PTPRD: variants seen among roughly 807,000 people sequenced by gnomAD.
PTPRD encodes the protein protein tyrosine phosphatase receptor type D.
In PTPRD, 34 loss-of-function variants were observed where a neutral mutation model predicts 214.5. That is an observed-to-expected ratio of 0.16 (90% CI 0.12 to 0.21). The LOEUF is 0.21. Among genes scored for constraint, PTPRD ranks in the 10% least tolerant of loss-of-function variants. The probability of loss-of-function intolerance (pLI) is 1.00; values close to 1 mark genes in which losing one functional copy is unlikely to be tolerated. For synonymous variants in PTPRD, 1,128 were observed against 845.7 expected, an observed-to-expected ratio of 1.33 and a Z score of -5.79; for missense variants, 2,545 against 2,398.7, an observed-to-expected ratio of 1.06 and a Z score of -1.27.
intron 2 of PTPRD, among the ~76,000 whole-genome samples, chr9:10,592,889 CG>C (rs2075809315): frequency 6.6e-6 from 1 of 151,828 alleles, no homozygotes; most frequent in East Asian, 1.9e-4. Context: ...AAGCTGGCCA[CG>C]CTAGCCCAGC....
rs752452602 is a variant in PTPRD at position 8,486,338 on chromosome 9, G to C, written c.2479C>G (p.Pro827Ala). The part of the protein sequence containing the change: ...VSTTGAVPGK[P>A]RLVINHTQMN... ...TGAGTGTGGTTAATCACAAGCCGAG[G>C]TTTCCCTGGAACTGGAGCACATGGG... The change falls in exon 28 of 46, where the codon CCT becomes GCT. Residue 827 changes from proline to alanine, a missense_variant. Coordinates refer to ENST00000381196, the MANE Select transcript of PTPRD (RefSeq NM_002839.4). 2 of 1,614,054 alleles carry C rather than the reference G, an allele frequency of 1.2e-6. No homozygotes were observed. The highest frequency in any genetic ancestry group is 3.3e-5 in the Admixed American group (2 of 60,020).
chr9:10,422,916 A>AT (rs2098558174), intron 2 of PTPRD, among the ~76,000 whole-genome samples: 1 of 152,094 alleles, frequency 6.6e-6, no homozygotes, highest in South Asian at 2.1e-4. Flanking sequence ...AAGGATCTAG[A>AT]ACTAGAAATA....
chr9:8,823,867 T>C (rs1321677524), intron 11 of PTPRD, among the ~76,000 whole-genome samples: 1 of 152,190 alleles, frequency 6.6e-6, no homozygotes, highest in Non-Finnish European at 1.5e-5. Flanking sequence ...GAATGGCTAC[T>C]TTATAGACAG....
chr9:8,406,201 G>A (rs185790433), intron 35 of PTPRD, among the ~76,000 whole-genome samples: 40 of 152,162 alleles, frequency 2.6e-4, no homozygotes, highest in Admixed American at 2.0e-3. Flanking sequence ...CATCTCCCTT[G>A]CAGAAATTAA....
At chr9:9,767,373 G>A (rs1319274578) in intron 5 of PTPRD, among the ~76,000 whole-genome samples, 2 of 152,004 alleles carry the variant, frequency 1.3e-5, no homozygotes, top group African/African-American at 2.4e-5. Flanking sequence ...AGTGCATCTA[G>A]AATGAAGGCA....
chr9:8,527,640 T>A (rs2074550867), intron 15 of PTPRD, among the ~76,000 whole-genome samples: 1 of 152,106 alleles, frequency 6.6e-6, no homozygotes, highest in Admixed American at 6.6e-5. Context: ...ATACCAATAT[T>A]ACTACCAATG....
chr9:8,862,790 A>G (rs915959507), intron 11 of PTPRD, among the ~76,000 whole-genome samples: 18 of 152,354 alleles, frequency 1.2e-4, no homozygotes, highest in Admixed American at 7.8e-4. Context: ...GAAATTGGAA[A>G]CCATCATTCT....
Position 8,340,473 on chromosome 9 carries a change from A to C in PTPRD, c.5127-4T>G, listed in dbSNP as rs758753565. 1.1e-5 allele frequency: 17 copies of C among 1,573,112 alleles called. No individual in the cohort carries two copies. The highest frequency in any genetic ancestry group is 1.4e-5 in the Non-Finnish European group (16 of 1,150,560). On this transcript the variant is annotated splice_polypyrimidine_tract_variant and splice_region_variant and intron_variant, in intron 41 of 45. Coordinates refer to ENST00000381196, the MANE Select transcript of PTPRD (RefSeq NM_002839.4). Reference sequence around the variant, plus strand: ...AGCGATGTAGGCTTTCTGTTGTCTGAATTACAGAGAATGAAAAGAATGTGT... The same window carrying C: ...AGCGATGTAGGCTTTCTGTTGTCTGCATTACAGAGAATGAAAAGAATGTGT...
intron 23 of PTPRD, among the ~76,000 whole-genome samples, chr9:8,502,064 A>T (rs1348128502): frequency 2.6e-5 from 4 of 152,188 alleles, no homozygotes; most frequent in Non-Finnish European, 5.9e-5. Flanking sequence ...GGTTTATATT[A>T]GAATTAGAAG....
At chr9:10,473,022 A>C (rs985382335) in intron 2 of PTPRD, among the ~76,000 whole-genome samples, 1 of 152,052 alleles carries the variant, frequency 6.6e-6, no homozygotes, top group Non-Finnish European at 1.5e-5. Flanking sequence ...AAGCTTATTT[A>C]ATACATTAAG....
rs575188649 is a variant in PTPRD, at chr9:10,235,407, G to A, written c.-545+105556C>T. Among the ~76,000 whole-genome samples the A allele has an allele frequency of 3.3e-5, 5 of 152,020 alleles. No homozygotes were observed. The South Asian group carries it at 1.0e-3, about 31-fold the overall frequency. ...AGGAAAATTCCCTCGTCGCGCATCA[G>A]AAAGACTCAGGACGCTAAAGAGTAT... is the stretch of plus-strand genomic sequence containing the variant. On this transcript the variant is annotated intron_variant, in intron 3 of 45. Transcript: ENST00000381196.
At chr9:9,850,817 G>A (rs993753901) in intron 5 of PTPRD, among the ~76,000 whole-genome samples, 1 of 151,966 alleles carries the variant, frequency 6.6e-6, no homozygotes, top group Non-Finnish European at 1.5e-5. Context: ...GACCAACTCT[G>A]CTAACCTCCT....
chr9:9,745,195 T>A (rs1046902908), intron 6 of PTPRD, among the ~76,000 whole-genome samples: 2 of 152,144 alleles, frequency 1.3e-5, no homozygotes, highest in Non-Finnish European at 2.9e-5. Context: ...ATGTCTCTAC[T>A]TTTTCTTGTG....
At chr9:8,894,710 T>C (rs2098592842) in intron 11 of PTPRD, among the ~76,000 whole-genome samples, 1 of 152,186 alleles carries the variant, frequency 6.6e-6, no homozygotes, top group African/African-American at 2.4e-5. Context: ...GAAAATGCCA[T>C]TTGAAAAAGG....
At chr9:9,425,195 T>C (rs2080343787) in intron 8 of PTPRD, among the ~76,000 whole-genome samples, 1 of 151,786 alleles carries the variant, frequency 6.6e-6, no homozygotes, top group South Asian at 2.1e-4. Flanking sequence ...ATCCATTTTA[T>C]TGTGGTGATG....
At chr9:9,766,117 G>A (rs2098705101) in intron 6 of PTPRD, among the ~76,000 whole-genome samples, 1 of 152,066 alleles carries the variant, frequency 6.6e-6, no homozygotes. Context: ...CCCTTACTCA[G>A]TACTCACAGG....
intron 2 of PTPRD, among the ~76,000 whole-genome samples, chr9:10,601,777 A>C (rs2078038162): frequency 6.6e-6 from 1 of 151,774 alleles, no homozygotes; most frequent in Non-Finnish European, 1.5e-5. Flanking sequence ...CAAACAGTTT[A>C]AGAGTTTAGC....
At chr9:8,595,071 G>C (rs935445236) in intron 14 of PTPRD, among the ~76,000 whole-genome samples, 5 of 151,054 alleles carry the variant, frequency 3.3e-5, no homozygotes, top group African/African-American at 1.2e-4. Flanking sequence ...CTCCGTGTTA[G>C]CCAAAATGGT....
chr9:9,709,103 A>G (rs2097679542), intron 7 of PTPRD, among the ~76,000 whole-genome samples: 1 of 152,024 alleles, frequency 6.6e-6, no homozygotes. Context: ...ATAAATTGGC[A>G]TATAAGTTAT....
Sources: gnomAD v4.1 joint callset for allele counts (sites outside exome capture counted in the v4.1 genomes callset) on GRCh38, gnomAD v4.1.1 for gene constraint, MANE v1.5 for transcripts, NCBI Gene and HGNC (gene_info 2026-07-23, HGNC 2026-07-21) for gene names.